IGSF5: variants seen among roughly 807,000 people sequenced by gnomAD.
The protein encoded by IGSF5 is immunoglobulin superfamily member 5, also known as immunoglobulin superfamily 5 like.
Under a neutral mutation model 39.4 loss-of-function variants are expected in IGSF5, and 41 were observed. The observed-to-expected ratio is 1.04, with a 90% CI of 0.81 to 1.35. The LOEUF is 1.35. Ranked by LOEUF, IGSF5 falls within the 40% of genes most tolerant of loss-of-function variation. The pLI is 0.00. For missense variants in IGSF5, 487 were observed against 494.6 expected, an observed-to-expected ratio of 0.98 and a Z score of 0.15; for synonymous variants, 183 against 175.3, an observed-to-expected ratio of 1.04 and a Z score of -0.34.
intron 1 of IGSF5, among the ~76,000 whole-genome samples, chr21:39,745,886 T>C (rs1555939709): frequency 6.6e-6 from 1 of 151,318 alleles, no homozygotes; most frequent in Non-Finnish European, 1.5e-5. Flanking sequence ...CTGCTTTGGA[T>C]GTCCCTTCGT....
chr21:39,758,406 T>C (rs1327035743), intron 2 of IGSF5, among the ~76,000 whole-genome samples: 1 of 152,184 alleles, frequency 6.6e-6, no homozygotes, highest in Non-Finnish European at 1.5e-5. Flanking sequence ...TTCCCACAAG[T>C]TGTTGCACCT....
chr21:39,713,700 C>G, the IGSF5 span, among the ~76,000 whole-genome samples: 1 of 152,280 alleles, frequency 6.6e-6, no homozygotes, highest in East Asian at 1.9e-4. Context: ...AATGCTGCCT[C>G]CAGAATCCAG....
At chr21:39,734,437 A>AT in the IGSF5 span, among the ~76,000 whole-genome samples, 429 of 59,482 alleles carry the variant, frequency 7.2e-3, no homozygotes, top group Middle Eastern at 0.042. Flanking sequence ...AAAAAAAAAA[A>AT]ATACACACAC....
rs560562479 is a variant in IGSF5, at chr21:39,785,101, C to CAT, written c.935-3056_935-3055dup. Among the ~76,000 whole-genome samples the CAT allele has an allele frequency of 6.1e-4, 92 of 150,950 alleles. 1 individual carries two copies. The highest frequency in any genetic ancestry group is 1.7e-3 in the African/African-American group (69 of 41,166). The stretch of plus-strand genomic sequence containing the variant: ...ATGTGCACAATGTGCAGGTTTGTTA[C>CAT]ATATATATATACATGTGCCATGTTG... On this transcript the variant is annotated intron_variant, in intron 5 of 8. Coordinates refer to ENST00000380588, the MANE Select transcript of IGSF5 (RefSeq NM_001080444.2).
chr21:39,779,265 C>T lies in IGSF5; in HGVS notation c.894C>T (p.Asn298=), dbSNP rs2080157545. 1 of 1,613,484 alleles carries T rather than the reference C, an allele frequency of 6.2e-7. No individual in the cohort carries two copies. The highest frequency in any genetic ancestry group is 8.5e-7 in the Non-Finnish European group (1 of 1,179,592). The change falls in exon 5 of 9, where the codon AAC becomes AAT. Residue 298 remains asparagine (N), a synonymous_variant. Coordinates refer to ENST00000380588, the MANE Select transcript of IGSF5 (RefSeq NM_001080444.2). The part of the protein sequence containing the change: ...CCCRRRCCGC[N]CCCRCCFCCR... The stretch of plus-strand genomic sequence containing the variant: ...GCCGCCGTCGTTGTTGTGGCTGCAA[C>T]TGCTGCTGCCGTTGTTGTTTCTGCT...
At chr21:39,749,892 G>A (rs376184562) in intron 2 of IGSF5, among the ~76,000 whole-genome samples, 2 of 152,174 alleles carry the variant, frequency 1.3e-5, no homozygotes, top group African/African-American at 4.8e-5. Context: ...ATTTGTCTCA[G>A]GTAAGCAGAG....
chr21:39,776,532 G>T (rs1014487571), intron 4 of IGSF5, among the ~76,000 whole-genome samples: 1 of 152,094 alleles, frequency 6.6e-6, no homozygotes, highest in Non-Finnish European at 1.5e-5. Context: ...TTAAATTAAG[G>T]GACAAAAGAG....
the IGSF5 span, among the ~76,000 whole-genome samples, chr21:39,723,412 T>G: frequency 1.0e-3 from 154 of 152,284 alleles, no homozygotes; most frequent in Non-Finnish European, 1.8e-3. Context: ...AGATGGAAGC[T>G]GCAATCCCAT....
intron 6 of IGSF5, among the ~76,000 whole-genome samples, chr21:39,791,142 C>T (rs1417807903): frequency 6.6e-6 from 1 of 152,176 alleles, no homozygotes; most frequent in Non-Finnish European, 1.5e-5. Context: ...GACAGTGCCA[C>T]ATTTTTCCAA....
At chr21:39,787,426 C>A (rs1210106120) in intron 5 of IGSF5, among the ~76,000 whole-genome samples, 1 of 152,136 alleles carries the variant, frequency 6.6e-6, no homozygotes, top group Non-Finnish European at 1.5e-5. Flanking sequence ...GTAAAGATCA[C>A]AGGCTTTTGG....
Position 39,765,662 on chromosome 21 carries a change from GGTGGTGCTAA to G in IGSF5, c.230_239del (p.Val77AlafsTer29), listed in dbSNP as rs1183743035. The G allele has an allele frequency of 6.2e-7, 1 of 1,614,138 alleles. No individual in the cohort carries two copies. Among genetic ancestry groups the G allele is most frequent in the Non-Finnish European group, 8.5e-7 (1 of 1,180,008 alleles). On this transcript the variant is annotated frameshift_variant, in exon 3 of 9. Transcript: ENST00000380588. LOFTEE classifies it high-confidence loss of function. ...TCATCATGTGGGCTCTCAGTGACAT[GGTGGTGCTAA>G]GCGTCAGGCCCATGGAGCCCATCAT...
chr21:39,781,909 T>A (rs1188202587), intron 5 of IGSF5, among the ~76,000 whole-genome samples: 1 of 152,240 alleles, frequency 6.6e-6, no homozygotes, highest in Admixed American at 6.5e-5. Flanking sequence ...ATCTGCGTTT[T>A]GAGTCATAGG....
At chr21:39,797,478 C>A (rs556086550) in intron 8 of IGSF5, among the ~76,000 whole-genome samples, 2 of 152,220 alleles carry the variant, frequency 1.3e-5, no homozygotes, top group Non-Finnish European at 2.9e-5. Context: ...CTCAGCCTCC[C>A]AAAGTGCTGG....
At chr21:39,796,507 C>G (rs2086996864) in intron 8 of IGSF5, among the ~76,000 whole-genome samples, 1 of 152,228 alleles carries the variant, frequency 6.6e-6, no homozygotes, top group Non-Finnish European at 1.5e-5. Flanking sequence ...CCAGGAGAGA[C>G]AGCTGAGAGC....
At chr21:39,763,654 TG>T (rs1166985900) in intron 2 of IGSF5, among the ~76,000 whole-genome samples, 3 of 152,102 alleles carry the variant, frequency 2.0e-5, no homozygotes, top group African/African-American at 7.2e-5. Context: ...TCTCACAGGG[TG>T]AGGCTGGGGC....
upstream of IGSF5, among the ~76,000 whole-genome samples, chr21:39,745,125 G>T (rs1167379575): frequency 6.6e-6 from 1 of 151,328 alleles, no homozygotes; most frequent in Admixed American, 6.6e-5. Flanking sequence ...GTGAGGCCAA[G>T]AACCTGCCTC....
intron 5 of IGSF5, among the ~76,000 whole-genome samples, chr21:39,779,765 T>C (rs1250301037): frequency 6.6e-6 from 1 of 152,134 alleles, no homozygotes; most frequent in Non-Finnish European, 1.5e-5. Context: ...TGGAGAGACC[T>C]AAAGGATATT....
rs79494165 is a variant in IGSF5, at chr21:39,778,667, A to T, written c.719-423A>T. Among the ~76,000 whole-genome samples the T allele has an allele frequency of 7.9e-5, 12 of 152,284 alleles. No homozygotes were observed. The East Asian group carries it at 9.7e-4, about 12-fold the overall frequency. ...TCCTCTGGGCGCTGGACTCTCAATG[A>T]GTGGGGACATGGAAGGGAGAACAAA... On this transcript the variant is annotated intron_variant, in intron 4 of 8. Transcript: ENST00000380588.
chr21:39,798,570 C>T (rs1232963961), intron 8 of IGSF5, among the ~76,000 whole-genome samples: 1 of 152,234 alleles, frequency 6.6e-6, no homozygotes, highest in African/African-American at 2.4e-5. Flanking sequence ...CTCAATCTCT[C>T]TTCCCTGAGT....
Sources: gnomAD v4.1 joint callset for allele counts (sites outside exome capture counted in the v4.1 genomes callset) on GRCh38, gnomAD v4.1.1 for gene constraint, MANE v1.5 for transcripts, NCBI Gene and HGNC (gene_info 2026-07-23, HGNC 2026-07-21) for gene names.